Variants in ZNF469 observed in about 807,000 individuals in gnomAD.
The protein encoded by ZNF469 is zinc finger protein 469.
In ZNF469, 1 loss-of-function variant was observed where a neutral mutation model predicts 1.0. The observed-to-expected ratio is 1.00, with a 90% CI of 0.35 to 4.73. ZNF469 has a LOEUF of 4.73. ZNF469 is among the 30% of genes most tolerant of loss of function. The pLI is 0.16. For missense variants in ZNF469, 6,100 were observed against 5,356.3 expected (o/e 1.14, Z -4.33); for synonymous variants, 2,703 against 2,363.4 (o/e 1.14, Z -4.17).
chr16:88,305,330 A>C, the ZNF469 span, among the ~76,000 whole-genome samples: 1 of 145,322 alleles, frequency 6.9e-6, no homozygotes, highest in African/African-American at 2.6e-5. Context: ...ACAGGCACAC[A>C]CGCACACCCT....
In ZNF469 at chr16:88,438,302, C is replaced by T. The variant is rs778889305; in HGVS notation, c.10832C>T (p.Ala3611Val). 1.8e-5 allele frequency: 28 copies of T among 1,548,860 alleles called. No homozygotes were observed. The highest frequency in any genetic ancestry group is 1.1e-4 in the South Asian group (9 of 84,034). Residue 3611 changes from alanine to valine, a missense_variant, in exon 3 of 3, where the codon GCG becomes GTG. By Grantham distance (64) the Ala-to-Val change is moderately conservative. Transcript: ENST00000565624. Reference sequence around the variant, plus strand: ...CGGCCGGGAGCCAGAGGCCAAGATGCGGAGGGAAAGAGGGCTCCTCTCGTG... The same window carrying T: ...CGGCCGGGAGCCAGAGGCCAAGATGTGGAGGGAAAGAGGGCTCCTCTCGTG... ...LPRPGARGQD[A>V]EGKRAPLVFS...
At chr16:88,377,122 C>T in the ZNF469 span, among the ~76,000 whole-genome samples, 2 of 152,118 alleles carry the variant, frequency 1.3e-5, no homozygotes, top group East Asian at 1.9e-4. Flanking sequence ...TTAGCCACCA[C>T]TCCTGTGTCT....
the ZNF469 span, among the ~76,000 whole-genome samples, chr16:88,251,628 G>A: frequency 1.5e-3 from 190 of 128,424 alleles, 1 homozygote; most frequent in African/African-American, 5.0e-3. Flanking sequence ...GCGTGATCTC[G>A]GCTCACTGCA....
At chr16:88,172,495 T>C in the ZNF469 span, among the ~76,000 whole-genome samples, 1 of 152,212 alleles carries the variant, frequency 6.6e-6, no homozygotes, top group African/African-American at 2.4e-5. Context: ...TGATTCCAAA[T>C]AACTTCATTG....
At chr16:88,390,058 G>A (rs1269127336) in intron 1 of ZNF469, among the ~76,000 whole-genome samples, 1 of 152,192 alleles carries the variant, frequency 6.6e-6, no homozygotes, top group South Asian at 2.1e-4. Flanking sequence ...GCTTTTTTCC[G>A]GGGTGGCTGT....
chr16:88,349,681 A>G, the ZNF469 span, among the ~76,000 whole-genome samples: 26 of 150,466 alleles, frequency 1.7e-4, no homozygotes, highest in African/African-American at 6.4e-4. Flanking sequence ...CCAAGTGCAC[A>G]CACACCAAGC....
At chr16:88,353,044 G>C in the ZNF469 span, among the ~76,000 whole-genome samples, 1 of 152,194 alleles carries the variant, frequency 6.6e-6, no homozygotes, top group Non-Finnish European at 1.5e-5. Context: ...TGCAGGGTCT[G>C]GGCAGGGAGA....
At chr16:88,291,383 G>A in the ZNF469 span, among the ~76,000 whole-genome samples, 10 of 152,168 alleles carry the variant, frequency 6.6e-5, no homozygotes, top group African/African-American at 2.2e-4. Context: ...GCTATCGGAC[G>A]TAGAAGCAGC....
At position 88,424,438 on chromosome 16, in the gene ZNF469, G is replaced by C. The variant is rs534411403; in HGVS notation, c.-191-369G>C. On this transcript the variant is annotated intron_variant, in intron 1 of 2. Transcript: ENST00000565624. The surrounding 1 kb of genome is among the most constrained non-coding windows in gnomAD (Gnocchi z 4.3). ...CCCAGCGGGACTGGGGAGGGATCCTGGCAGGGATGGGAGGGGCAGCGTTCT... is the reference window on the plus strand; with the variant it reads ...CCCAGCGGGACTGGGGAGGGATCCTCGCAGGGATGGGAGGGGCAGCGTTCT... Among the ~76,000 whole-genome samples the C allele has an allele frequency of 6.6e-6, 1 of 152,196 alleles. No homozygotes were observed.
the ZNF469 span, among the ~76,000 whole-genome samples, chr16:88,158,113 T>C: frequency 6.6e-6 from 1 of 151,788 alleles, no homozygotes; most frequent in Non-Finnish European, 1.5e-5. Context: ...CTGAGCCCTA[T>C]AGACTCAGGG....
chr16:88,209,150 C>G, the ZNF469 span, among the ~76,000 whole-genome samples: 1 of 152,078 alleles, frequency 6.6e-6, no homozygotes, highest in African/African-American at 2.4e-5. Flanking sequence ...TTCCACAAAA[C>G]AAAACCCTAC....
chr16:88,381,900 A>T (rs918899112), upstream of ZNF469, among the ~76,000 whole-genome samples: 2 of 152,254 alleles, frequency 1.3e-5, no homozygotes, highest in African/African-American at 4.8e-5. Flanking sequence ...GCTCCACCAG[A>T]AGGCCCGTGG....
the ZNF469 span, among the ~76,000 whole-genome samples, chr16:88,103,021 T>C: frequency 6.6e-6 from 1 of 152,288 alleles, no homozygotes; most frequent in Non-Finnish European, 1.5e-5. Flanking sequence ...TCTCGTGTTT[T>C]ACGTGGTGCC....
the ZNF469 span, among the ~76,000 whole-genome samples, chr16:88,275,431 G>A: frequency 1.2e-4 from 18 of 152,184 alleles, no homozygotes; most frequent in Non-Finnish European, 2.2e-4. Flanking sequence ...CTGGGGTGAC[G>A]GGTGCTGAGG....
chr16:88,427,312 T>G (rs1905754299), intron 2 of ZNF469, among the ~76,000 whole-genome samples, 33 bp from the exon 3 acceptor site: 1 of 152,028 alleles, frequency 6.6e-6, no homozygotes, highest in African/African-American at 2.4e-5. Flanking sequence ...ACCCAGCCCC[T>G]CTGCCCCACT....
chr16:88,245,675 C>T, the ZNF469 span, among the ~76,000 whole-genome samples: 4 of 152,384 alleles, frequency 2.6e-5, no homozygotes, highest in Non-Finnish European at 5.9e-5. Context: ...CTCCCCCTTG[C>T]CTACAGAGCT....
the ZNF469 span, among the ~76,000 whole-genome samples, chr16:88,278,628 T>C: frequency 7.3e-6 from 1 of 136,488 alleles, no homozygotes; most frequent in Non-Finnish European, 1.7e-5. Flanking sequence ...CGTGTAGATA[T>C]CAGTGCACGG....
chr16:88,385,019 T>C (rs1384693527), intron 1 of ZNF469, among the ~76,000 whole-genome samples: 2 of 152,144 alleles, frequency 1.3e-5, no homozygotes, highest in Non-Finnish European at 1.5e-5. Flanking sequence ...CATGGCTGCC[T>C]TTGGATAATT....
In ZNF469 at chr16:88,435,645, T is replaced by G. The variant is rs1399655418; in HGVS notation, c.8175T>G (p.Pro2725=). ...CAGETGAQKP[P]GDRMLCPGRM... ...GGGAGACTGGGGCCCAGAAGCCACC[T>G]GGAGATCGGATGCTGTGTCCAGGGA... Residue 2725 remains proline, a synonymous_variant, in exon 3 of 3, where the codon CCT becomes CCG. Transcript: ENST00000565624. 3.2e-6 allele frequency: 5 copies of G among 1,550,408 alleles called. No homozygotes were observed. The highest frequency in any genetic ancestry group is 4.4e-6 in the Non-Finnish European group (5 of 1,146,968).
Sources: gnomAD v4.1 joint callset for allele counts (sites outside exome capture counted in the v4.1 genomes callset) on GRCh38, gnomAD v4.1.1 for gene constraint, Gnocchi (gnomAD v3.1) non-coding constraint, MANE v1.5 for transcripts, NCBI Gene and HGNC (gene_info 2026-07-23, HGNC 2026-07-21) for gene names.